The following KLF6 variants were observed in gnomAD, a reference collection of about 807,000 sequenced individuals.
The protein encoded by KLF6 is Krueppel-like factor 6.
For missense variants in KLF6, 233 were observed against 359.8 expected, an observed-to-expected ratio of 0.65 and a Z score of 2.85; for synonymous variants, 152 against 147.9, an observed-to-expected ratio of 1.03 and a Z score of -0.20.
Position 3,782,164 on chromosome 10 carries a change from T to G in KLF6, c.153A>C (p.Ser51=). 1 of 1,612,350 alleles carries G rather than the reference T, an allele frequency of 6.2e-7. No individual in the cohort carries two copies. The highest frequency in any genetic ancestry group is 1.1e-5 in the South Asian group (1 of 91,076). Residue 51 remains serine, a synonymous_variant, in exon 2 of 4, where the codon TCA becomes TCC. Coordinates refer to ENST00000497571, the MANE Select transcript of KLF6 (RefSeq NM_001300.6). The surrounding 1 kb of genome is among the most constrained non-coding windows in gnomAD (Gnocchi z 4.3). ...GGCTGTCAAATTTGATTTCTGAGGC[T>G]GAAACATAGCAGGGCTCGCTCTGGA... ...RYLQSEPCYV[S]ASEIKFDSQE... is the part of the protein sequence containing the mutation.
Position 3,781,951 on chromosome 10 carries a change from C to T in KLF6, c.366G>A (p.Thr122=), listed in dbSNP as rs141079724. The T allele has an allele frequency of 3.5e-4, 559 of 1,614,156 alleles. No homozygotes were observed. Among genetic ancestry groups the T allele is most frequent in the Non-Finnish European group, 3.1e-4 (363 of 1,180,036 alleles). ...CAATGGGGTCGGAGGTAAACTTGGC[C>T]GTGGGAGAAAGTTCCTCGGAGCTGT... ...SSDSSEELSP[T]AKFTSDPIGE... Residue 122 remains threonine, a synonymous_variant, in exon 2 of 4, where the codon ACG becomes ACA. Coordinates refer to ENST00000497571, the MANE Select transcript of KLF6 (RefSeq NM_001300.6). The surrounding 1 kb of genome is among the most constrained non-coding windows in gnomAD (Gnocchi z 5.8).
rs1403922568 is a variant in KLF6, at chr10:3,780,080, G to A, written c.800+26C>T. On this transcript the variant is annotated intron_variant, in intron 3 of 3. Transcript: ENST00000497571. This position sits in a 1 kb window ranked among gnomAD's most constrained non-coding sequence, Gnocchi z 4.6. ...ACATTCCCAAGGCCCCACGCTCCTTGCCCAGCATTGTCCTCAGGCACGTAC... is the reference window on the plus strand; with the variant it reads ...ACATTCCCAAGGCCCCACGCTCCTTACCCAGCATTGTCCTCAGGCACGTAC... 1 of 1,613,762 alleles carries A rather than the reference G, an allele frequency of 6.2e-7. No individual in the cohort carries two copies. The highest frequency in any genetic ancestry group is 1.7e-5 in the Admixed American group (1 of 59,996).
chr10:3,778,283 G>T lies in KLF6; in HGVS notation c.*1256C>A. 1.9e-6 allele frequency: 1 copy of T among 527,248 alleles called. No homozygotes were observed. Among genetic ancestry groups the T allele is most frequent in the South Asian group, 1.5e-5 (1 of 65,086 alleles). 32.7% of individuals were successfully genotyped at this position (527,248 alleles called of 1,614,324 possible). On this transcript the variant is annotated 3_prime_UTR_variant, in exon 4 of 4. Coordinates refer to ENST00000497571, the MANE Select transcript of KLF6 (RefSeq NM_001300.6). ...GAGACCCCCACAGAAGGGATCGCTT[G>T]CGTAAGGCACCATTATGAAGGTCAA...
At position 3,780,453 on chromosome 10, in the gene KLF6, G is replaced by A. The variant is rs117322339; in HGVS notation, c.677-224C>T. The A allele has an allele frequency of 3.0e-5, 18 of 608,722 alleles. No individual in the cohort carries two copies. Among genetic ancestry groups the A allele is most frequent in the Middle Eastern group, 4.4e-4 (1 of 2,264 alleles). 37.7% of individuals were successfully genotyped at this position (608,722 alleles called of 1,614,324 possible). A position where few individuals can be genotyped will look rare whatever the true frequency, so the allele number is the denominator to read the frequency against. On this transcript the variant is annotated intron_variant, in intron 2 of 3. Coordinates refer to ENST00000497571, the MANE Select transcript of KLF6 (RefSeq NM_001300.6). The surrounding 1 kb of genome is among the most constrained non-coding windows in gnomAD (Gnocchi z 4.6). ...GTCCAAGGGACACAGCTTCAGCCAA[G>A]CCCATGGTGCTGTCATCAAAGTTAA...
intron 1 of KLF6, among the ~76,000 whole-genome samples, chr10:3,784,241 T>C (rs1832596660): frequency 6.6e-6 from 1 of 152,208 alleles, no homozygotes; most frequent in Non-Finnish European, 1.5e-5. Flanking sequence ...ATTCCAGTTC[T>C]ACGACAATGT....
At position 3,781,190 on chromosome 10, in the gene KLF6, C is replaced by T. The variant is rs1588343157; in HGVS notation, c.676+451G>A. 5.4e-6 allele frequency: 2 copies of T among 372,912 alleles called. No individual in the cohort carries two copies. Among genetic ancestry groups the T allele is most frequent in the East Asian group, 9.3e-5 (2 of 21,518 alleles). 23.1% of individuals were successfully genotyped at this position (372,912 alleles called of 1,614,324 possible). ...CTGCTGCTTACAGAGCAGGCCGGTCCCACTCGGGCCTCGGGCCGTCAGCAT... is the reference window on the plus strand; with the variant it reads ...CTGCTGCTTACAGAGCAGGCCGGTCTCACTCGGGCCTCGGGCCGTCAGCAT... On this transcript the variant is annotated intron_variant, in intron 2 of 3. Coordinates refer to ENST00000497571, the MANE Select transcript of KLF6 (RefSeq NM_001300.6). This position sits in a 1 kb window ranked among gnomAD's most constrained non-coding sequence, Gnocchi z 5.8.
Position 3,782,020 on chromosome 10 carries a change from T to C in KLF6, c.297A>G (p.Leu99=). The C allele has an allele frequency of 1.9e-6, 3 of 1,614,208 alleles. No homozygotes were observed. The highest frequency in any genetic ancestry group is 2.5e-6 in the Non-Finnish European group (3 of 1,180,024). The change falls in exon 2 of 4, where the codon TTA becomes TTG. Residue 99 remains leucine, a synonymous_variant. Coordinates refer to ENST00000497571, the MANE Select transcript of KLF6 (RefSeq NM_001300.6). The surrounding 1 kb of genome is among the most constrained non-coding windows in gnomAD (Gnocchi z 4.3). ...CATCTGAGTTCAGGCTGTTGGTCTC[T>C]AAGTTGTAACAAAAGCTCGGGCTGA... ...TLISPSFCYN[L]ETNSLNSDVS... is the part of the protein sequence containing the mutation.
Position 3,776,306 on chromosome 10 carries a change from G to C in KLF6, c.*3233C>G, listed in dbSNP as rs773597282. On this transcript the variant is annotated 3_prime_UTR_variant, in exon 4 of 4. Coordinates refer to ENST00000497571, the MANE Select transcript of KLF6 (RefSeq NM_001300.6). ...ATGGTTCCCTACTGTGCCCACAGCC[G>C]GGGGGTTGTTTTTGTCAGTCCTTGG... 20 of 531,736 alleles carry C rather than the reference G, an allele frequency of 3.8e-5. No individual in the cohort carries two copies. The East Asian group carries it at 7.9e-4, about 21-fold the overall frequency. 32.9% of individuals were successfully genotyped at this position (531,736 alleles called of 1,614,324 possible).
rs772674512 is a variant in KLF6 at position 3,779,388 on chromosome 10, T to C, written c.*151A>G. On this transcript the variant is annotated 3_prime_UTR_variant, in exon 4 of 4. Transcript: ENST00000497571. Reference sequence around the variant, plus strand: ...TATGCCGCTTCTTACAGGACCTTTTTAGCCCTCAAAAGACCTTCCAAGGAG... The same window carrying C: ...TATGCCGCTTCTTACAGGACCTTTTCAGCCCTCAAAAGACCTTCCAAGGAG... 1 of 725,586 alleles carries C rather than the reference T, an allele frequency of 1.4e-6. No homozygotes were observed. The highest frequency in any genetic ancestry group is 1.5e-5 in the South Asian group (1 of 67,402). The allele number at this position is 725,586 out of a possible 1,614,324, so 44.9% of individuals were successfully genotyped here.
intron 1 of KLF6, among the ~76,000 whole-genome samples, chr10:3,783,895 T>C (rs2388864): frequency 0.87 from 132,378 of 151,942 alleles, 58,957 homozygotes; most frequent in East Asian, 1. Context: ...AATCACGTCC[T>C]AGGGAGCAGC....
At position 3,784,994 on chromosome 10, in the gene KLF6, G is replaced by A. The variant is rs1450156948; in HGVS notation, c.21C>T (p.Cys7=). 2 of 1,609,834 alleles carry A rather than the reference G, an allele frequency of 1.2e-6. No homozygotes were observed. Among genetic ancestry groups the A allele is most frequent in the Non-Finnish European group, 1.7e-6 (2 of 1,177,408 alleles). The stretch of plus-strand genomic sequence containing the variant: ...CGATCTGGAGCTCCTGGAAGATGCT[G>A]CACATGGGGAGCACGTCCATGTCGG... MDVLPM[C]SIFQELQIVH... The change falls in exon 1 of 4, where the codon TGC becomes TGT. Residue 7 remains cysteine, a synonymous_variant. Transcript: ENST00000497571.
chr10:3,780,330 G>A lies in KLF6; in HGVS notation c.677-101C>T, dbSNP rs963939145. On this transcript the variant is annotated intron_variant, in intron 2 of 3. Transcript: ENST00000497571. This position sits in a 1 kb window ranked among gnomAD's most constrained non-coding sequence, Gnocchi z 4.6. ...CACAGTGGTGGGATGCAAGGCCAGGGACCCAGTGGCTTCTGGCATCGGTAA... is the reference window on the plus strand; with the variant it reads ...CACAGTGGTGGGATGCAAGGCCAGGAACCCAGTGGCTTCTGGCATCGGTAA... 71 of 1,445,298 alleles carry A rather than the reference G, an allele frequency of 4.9e-5. No individual in the cohort carries two copies. The highest frequency in any genetic ancestry group is 5.5e-5 in the Non-Finnish European group (57 of 1,038,942). 89.5% of individuals were successfully genotyped at this position (1,445,298 alleles called of 1,614,324 possible). A position where few individuals can be genotyped will look rare whatever the true frequency, so the allele number is the denominator to read the frequency against.
At chr10:3,779,987 G>C in intron 3 of KLF6, 119 bp downstream of exon 3, 2 of 1,301,366 alleles carry the variant, frequency 1.5e-6, no homozygotes, top group Non-Finnish European at 2.2e-6. Context: ...GAAAAGAAAT[G>C]TTCACACATA....
rs996416521 is a variant in KLF6, at chr10:3,781,405, C to T, written c.676+236G>A. The T allele has an allele frequency of 1.0e-4, 150 of 1,489,418 alleles. No individual in the cohort carries two copies. The African/African-American group carries it at 1.5e-3, about 15-fold the overall frequency. 92.3% of individuals were successfully genotyped at this position (1,489,418 alleles called of 1,614,324 possible). On this transcript the variant is annotated intron_variant, in intron 2 of 3. Transcript: ENST00000497571. This position sits in a 1 kb window ranked among gnomAD's most constrained non-coding sequence, Gnocchi z 5.8. ...GTGTCCGTGGAGAAAAGGATCTAGTCTCTTGTTTGTTTAATCTGAAAATTG... is the reference window on the plus strand; with the variant it reads ...GTGTCCGTGGAGAAAAGGATCTAGTTTCTTGTTTGTTTAATCTGAAAATTG...
In KLF6 at chr10:3,780,422, ACTG is replaced by A. The variant is rs1167549948; in HGVS notation, c.677-196_677-194del. On this transcript the variant is annotated intron_variant, in intron 2 of 3. Transcript: ENST00000497571. This position sits in a 1 kb window ranked among gnomAD's most constrained non-coding sequence, Gnocchi z 4.6. ...CTCCTGACCCAGTCTCAGGCCTCCC[ACTG>A]CTGTCCAAGGGACACAGCTTCAGCC... The A allele has an allele frequency of 7.4e-6, 5 of 674,844 alleles. No individual in the cohort carries two copies. The African/African-American group carries it at 8.8e-5, about 12-fold the overall frequency. 41.8% of individuals were successfully genotyped at this position (674,844 alleles called of 1,614,324 possible).
At position 3,776,541 on chromosome 10, in the gene KLF6, C is replaced by A. The variant is rs781049275; in HGVS notation, c.*2998G>T. ...AACCCCCTTCCCCCAAAAAAAACAA[C>A]CAGACTCAAGATGCTGATAAGAATT... On this transcript the variant is annotated 3_prime_UTR_variant, in exon 4 of 4. Transcript: ENST00000497571. 3.0e-4 allele frequency: 160 copies of A among 527,506 alleles called. No individual in the cohort carries two copies. The highest frequency in any genetic ancestry group is 6.6e-5 in the Non-Finnish European group (18 of 272,290). 32.7% of individuals were successfully genotyped at this position (527,506 alleles called of 1,614,324 possible).
chr10:3,779,675 C>G (rs1297749299), intron 3 of KLF6, 85 bp from the exon 4 acceptor site: 2 of 1,224,244 alleles, frequency 1.6e-6, no homozygotes, highest in Non-Finnish European at 2.4e-6. Flanking sequence ...CCTCCCTGCC[C>G]TGCCCAGCCT....
Position 3,779,195 on chromosome 10 carries a change from A to G in KLF6, c.*344T>C, listed in dbSNP as rs1832465314. On this transcript the variant is annotated 3_prime_UTR_variant, in exon 4 of 4. Coordinates refer to ENST00000497571, the MANE Select transcript of KLF6 (RefSeq NM_001300.6). ...CTTGCAGTCTTGCTAACCACAAGGAAAAAAAGTTGGCCTCATCATACGGTC... is the reference window on the plus strand; with the variant it reads ...CTTGCAGTCTTGCTAACCACAAGGAGAAAAAGTTGGCCTCATCATACGGTC... 1 of 557,760 alleles carries G rather than the reference A, an allele frequency of 1.8e-6. No individual in the cohort carries two copies. Among genetic ancestry groups the G allele is most frequent in the Non-Finnish European group, 3.4e-6 (1 of 292,212 alleles). The allele number at this position is 557,760 out of a possible 1,614,324, so 34.6% of individuals were successfully genotyped here.
Position 3,782,333 on chromosome 10 carries a change from C to T in KLF6, c.103-119G>A, listed in dbSNP as rs1184501227. 3.7e-6 allele frequency: 3 copies of T among 807,358 alleles called. No individual in the cohort carries two copies. The highest frequency in any genetic ancestry group is 2.6e-5 in the East Asian group (1 of 38,190). 50.0% of individuals were successfully genotyped at this position (807,358 alleles called of 1,614,324 possible). A position where few individuals can be genotyped will look rare whatever the true frequency, so the allele number is the denominator to read the frequency against. The stretch of plus-strand genomic sequence containing the variant: ...AGATAACATTGCTGCCCGGTCACTA[C>T]AGGGGCAAAACCTTTTGTAATTAAG... On this transcript the variant is annotated intron_variant, in intron 1 of 3. Transcript: ENST00000497571. The surrounding 1 kb of genome is among the most constrained non-coding windows in gnomAD (Gnocchi z 4.3).
Sources: allele counts gnomAD v4.1 joint callset (sites outside exome capture counted in the v4.1 genomes callset), GRCh38; gene constraint gnomAD v4.1.1; non-coding constraint Gnocchi (gnomAD v3.1); transcripts MANE v1.5; gene names NCBI Gene and HGNC (gene_info 2026-07-23, HGNC 2026-07-21).